Variants in MOCOS observed in about 807,000 individuals in gnomAD.
MOCOS encodes the protein human molybdenum cofactor sulfurase.
A neutral mutation model predicts 83.6 loss-of-function variants in MOCOS; 86 were observed. That is an observed-to-expected ratio of 1.03 (90% CI 0.86 to 1.23). The LOEUF is 1.23. Among genes scored for constraint, MOCOS ranks in the 50% most tolerant of loss-of-function variants. The pLI, the probability that MOCOS is intolerant of heterozygous loss-of-function variation, is 0.00. For synonymous variants in MOCOS, 445 were observed against 434.7 expected, an observed-to-expected ratio of 1.02 and a Z score of -0.29; for missense variants, 1,120 against 1,126.9, an observed-to-expected ratio of 0.99 and a Z score of 0.09.
At chr18:36,201,329 G>A (rs984744134) in intron 4 of MOCOS, among the ~76,000 whole-genome samples, 2 of 152,178 alleles carry the variant, frequency 1.3e-5, no homozygotes, top group African/African-American at 4.8e-5. Context: ...GGGGACATGT[G>A]ACTTGTTCTC....
chr18:36,228,552 C>T (rs2091526352), intron 9 of MOCOS, among the ~76,000 whole-genome samples: 1 of 151,990 alleles, frequency 6.6e-6, no homozygotes, highest in East Asian at 1.9e-4. Context: ...AAGCTGGAGG[C>T]CATTAGCCTT....
intron 11 of MOCOS, among the ~76,000 whole-genome samples, chr18:36,255,787 G>A (rs1481125433): frequency 6.6e-6 from 1 of 152,074 alleles, no homozygotes; most frequent in Non-Finnish European, 1.5e-5. Flanking sequence ...TAGTGATGCC[G>A]GGCCTGCCAA....
At chr18:36,219,168 TTTATTA>T (rs1045510701) in intron 8 of MOCOS, among the ~76,000 whole-genome samples, 28 of 150,924 alleles carry the variant, frequency 1.9e-4, no homozygotes, top group African/African-American at 6.6e-4. Flanking sequence ...TGCCTGGCTA[TTTATTA>T]TTATTATTAT....
chr18:36,241,595 C>G (rs1245595715), intron 9 of MOCOS, among the ~76,000 whole-genome samples: 1 of 152,200 alleles, frequency 6.6e-6, no homozygotes, highest in East Asian at 1.9e-4. Flanking sequence ...GACAGTGGCC[C>G]TCTTCTCACA....
intron 1 of MOCOS, among the ~76,000 whole-genome samples, chr18:36,187,905 A>G: frequency 6.6e-6 from 1 of 152,206 alleles, no homozygotes; most frequent in East Asian, 1.9e-4. Flanking sequence ...TCCGGTGGGC[A>G]GGACCAACCT....
At chr18:36,194,426 T>C (rs1476446841) in intron 1 of MOCOS, among the ~76,000 whole-genome samples, 1 of 152,204 alleles carries the variant, frequency 6.6e-6, no homozygotes, top group Non-Finnish European at 1.5e-5. Flanking sequence ...TAGTGTACAA[T>C]GTTTATTTTA....
intron 2 of MOCOS, among the ~76,000 whole-genome samples, chr18:36,197,337 C>T (rs2091392733): frequency 6.6e-6 from 1 of 152,174 alleles, no homozygotes. Context: ...AACAGAGCCA[C>T]AGCCACCTGT....
At chr18:36,256,822 A>T in intron 11 of MOCOS, 146 bp from the exon 12 acceptor site, 1 of 748,204 alleles carries the variant, frequency 1.3e-6, no homozygotes, top group Non-Finnish European at 2.4e-6. Flanking sequence ...CACCATGCTT[A>T]GGACATTTTT....
intron 9 of MOCOS, 114 bp downstream of exon 9, chr18:36,220,331 C>T (rs553395394): frequency 1.2e-5 from 16 of 1,320,766 alleles, no homozygotes; most frequent in South Asian, 8.0e-5. Flanking sequence ...TACAGTGAGA[C>T]CTCATCTCTA....
At chr18:36,241,217 A>C (rs1388005949) in intron 9 of MOCOS, among the ~76,000 whole-genome samples, 1 of 152,202 alleles carries the variant, frequency 6.6e-6, no homozygotes, top group Non-Finnish European at 1.5e-5. Flanking sequence ...CACAGTCCAA[A>C]GTCTCATCTG....
chr18:36,212,045 T>C (rs2091457608), intron 6 of MOCOS, among the ~76,000 whole-genome samples: 1 of 152,212 alleles, frequency 6.6e-6, no homozygotes, highest in African/African-American at 2.4e-5. Context: ...CTCAGGACTG[T>C]GGCTGGCGGT....
chr18:36,194,791 G>T (rs1487626881), intron 1 of MOCOS, among the ~76,000 whole-genome samples: 1 of 152,212 alleles, frequency 6.6e-6, no homozygotes, highest in African/African-American at 2.4e-5. Context: ...CTCTCAGAGA[G>T]AGGTTGGATG....
chr18:36,266,427 T>C (rs572009274), intron 13 of MOCOS, among the ~76,000 whole-genome samples: 4 of 152,178 alleles, frequency 2.6e-5, no homozygotes, highest in Admixed American at 2.6e-4. Context: ...TGAGCCACCA[T>C]GCTGGCTTTC....
chr18:36,215,750 A>T lies in MOCOS; in HGVS notation c.1570A>T (p.Met524Leu), dbSNP rs1224835217. 1 of 1,614,090 alleles carries T rather than the reference A, an allele frequency of 6.2e-7. No homozygotes were observed. The highest frequency in any genetic ancestry group is 2.2e-5 in the East Asian group (1 of 44,896). ...DSQADVIPAV[M>L]GRRSLSPQED... The stretch of plus-strand genomic sequence containing the variant: ...CCAGGCTGATGTTATACCTGCTGTC[A>T]TGGGCAGACGTAGCCTCTCGCCTCA... The change falls in exon 8 of 15, where the codon ATG becomes TTG. Residue 524 changes from methionine to leucine, a missense_variant. Coordinates refer to ENST00000261326, the MANE Select transcript of MOCOS (RefSeq NM_017947.4).
intron 6 of MOCOS, among the ~76,000 whole-genome samples, chr18:36,212,240 T>C (rs749305044): frequency 1.3e-5 from 2 of 152,236 alleles, no homozygotes; most frequent in African/African-American, 4.8e-5. Context: ...CTTCCCACAC[T>C]GTAGCCATGA....
chr18:36,198,819 C>A, intron 3 of MOCOS, 63 bp downstream of exon 3: 1 of 1,552,816 alleles, frequency 6.4e-7, no homozygotes, highest in Non-Finnish European at 8.9e-7. Context: ...CTTCCTAGGA[C>A]TTGCCTGCAT....
At chr18:36,221,891 G>T (rs2091497495) in intron 9 of MOCOS, among the ~76,000 whole-genome samples, 1 of 151,900 alleles carries the variant, frequency 6.6e-6, no homozygotes. Flanking sequence ...ATGACTGGCT[G>T]ATTTTGTATT....
rs930269708 is a variant in MOCOS at position 36,268,862 on chromosome 18, T to C, written c.*177T>C. ...GACTTCTCACCCTGCAAATTTGCAC[T>C]GGCTGTGCTCAGGAGAGCACTTCTG... On this transcript the variant is annotated 3_prime_UTR_variant, in exon 15 of 15. Coordinates refer to ENST00000261326, the MANE Select transcript of MOCOS (RefSeq NM_017947.4). The C allele has an allele frequency of 4.7e-6, 3 of 638,522 alleles. No homozygotes were observed. The highest frequency in any genetic ancestry group is 1.9e-5 in the South Asian group (1 of 52,166). 39.6% of individuals were successfully genotyped at this position (638,522 alleles called of 1,614,324 possible). A position where few individuals can be genotyped will look rare whatever the true frequency, so the allele number is the denominator to read the frequency against.
rs978304191 is a variant in MOCOS at position 36,215,965 on chromosome 18, T to G, written c.1785T>G (p.Cys595Trp). The G allele has an allele frequency of 9.9e-6, 16 of 1,612,682 alleles. No homozygotes were observed. Among genetic ancestry groups the G allele is most frequent in the Non-Finnish European group, 1.4e-5 (16 of 1,179,790 alleles). Residue 595 changes from cysteine (C) to tryptophan (W), a missense_variant, in exon 8 of 15, where the codon TGT becomes TGG. Physicochemically the swap from Cys to Trp is radical, Grantham distance 215 (BLOSUM62 -2). Coordinates refer to ENST00000261326, the MANE Select transcript of MOCOS (RefSeq NM_017947.4). ...TTTATCTCTATCCAATCAAATCCTG[T>G]GCTGCATTTGAGGTAAGGAATTTCA... ...TNLYLYPIKS[C>W]AAFEVTRWPV...
Sources: allele counts gnomAD v4.1 joint callset (sites outside exome capture counted in the v4.1 genomes callset), GRCh38; gene constraint gnomAD v4.1.1; transcripts MANE v1.5; gene names NCBI Gene and HGNC (gene_info 2026-07-23, HGNC 2026-07-21).